The following TERB1 variants were observed in gnomAD, a reference collection of about 807,000 sequenced individuals.
TERB1 encodes the protein telomere repeat binding bouquet formation protein 1.
In TERB1, 63 loss-of-function variants were observed where a neutral mutation model predicts 92.3. The observed-to-expected ratio is 0.68, with a 90% CI of 0.56 to 0.84. The LOEUF (loss-of-function observed/expected upper bound fraction) is 0.84. Among genes scored for constraint, TERB1 ranks in the 40% least tolerant of loss-of-function variants. The pLI is 0.00. For missense variants in TERB1, 709 were observed against 843.7 expected, an observed-to-expected ratio of 0.84 and a Z score of 1.98; for synonymous variants, 252 against 283.9, an observed-to-expected ratio of 0.89 and a Z score of 1.13.
intron 9 of TERB1, among the ~76,000 whole-genome samples, chr16:66,781,416 T>C (rs2018634151): frequency 6.6e-6 from 1 of 152,206 alleles, no homozygotes; most frequent in Non-Finnish European, 1.5e-5. Flanking sequence ...GCGAAGTATC[T>C]GTTCAAATCT....
chr16:66,789,583 C>CAAAAA (rs1168904056), intron 5 of TERB1, among the ~76,000 whole-genome samples: 68 of 5,664 alleles, frequency 0.012, 27 homozygotes, highest in East Asian at 0.016. Flanking sequence ...GACTCCGTCT[C>CAAAAA]AAAAAAAAAA....
chr16:66,771,363 G>A (rs1165102929), intron 13 of TERB1, among the ~76,000 whole-genome samples: 1 of 152,148 alleles, frequency 6.6e-6, no homozygotes, highest in Non-Finnish European at 1.5e-5. Context: ...ATCTTCTGTG[G>A]TGAAACAATT....
At chr16:66,783,128 A>G (rs1283026987) in intron 9 of TERB1, among the ~76,000 whole-genome samples, 1 of 152,206 alleles carries the variant, frequency 6.6e-6, no homozygotes, top group Non-Finnish European at 1.5e-5. Context: ...TGCTGGGATT[A>G]TAGGCATAAG....
intron 5 of TERB1, 106 bp downstream of exon 5, chr16:66,790,489 C>T: frequency 2.5e-6 from 2 of 808,224 alleles, no homozygotes; most frequent in Non-Finnish European, 1.8e-6. Flanking sequence ...ATTATTCAAA[C>T]ATGTAAAAAA....
At chr16:66,777,872 T>C (rs1191784813) in intron 10 of TERB1, among the ~76,000 whole-genome samples, 1 of 152,164 alleles carries the variant, frequency 6.6e-6, no homozygotes, top group Admixed American at 6.5e-5. Context: ...AAGCTATACT[T>C]CTCCAAATGT....
At chr16:66,788,536 C>A (rs1207343524) in intron 5 of TERB1, among the ~76,000 whole-genome samples, 1 of 151,290 alleles carries the variant, frequency 6.6e-6, no homozygotes, top group Non-Finnish European at 1.5e-5. Flanking sequence ...ATACTGAAAT[C>A]CCCTAGAATT....
At chr16:66,774,755 C>T (rs1010698289) in intron 12 of TERB1, among the ~76,000 whole-genome samples, 3 of 151,030 alleles carry the variant, frequency 2.0e-5, no homozygotes, top group Non-Finnish European at 4.4e-5. Flanking sequence ...GCAAACACAG[C>T]TCACTGCAGC....
chr16:66,793,678 A>C (rs896767248), intron 3 of TERB1, among the ~76,000 whole-genome samples: 10 of 151,836 alleles, frequency 6.6e-5, no homozygotes, highest in Non-Finnish European at 1.3e-4. Context: ...CGCCCAGCTA[A>C]ATTTTTTTTA....
intron 16 of TERB1, among the ~76,000 whole-genome samples, chr16:66,765,098 G>A (rs1035991191): frequency 6.6e-6 from 1 of 152,200 alleles, no homozygotes; most frequent in African/African-American, 2.4e-5. Context: ...GGTGAAGACT[G>A]AGTTCTATTC....
intron 9 of TERB1, among the ~76,000 whole-genome samples, chr16:66,785,554 C>T (rs944010381): frequency 3.3e-5 from 5 of 152,076 alleles, no homozygotes; most frequent in South Asian, 2.1e-4. Context: ...CTGGTTTCTC[C>T]GTTTTATGAG....
At chr16:66,784,367 T>C (rs919578450) in intron 9 of TERB1, among the ~76,000 whole-genome samples, 1 of 152,046 alleles carries the variant, frequency 6.6e-6, no homozygotes, top group African/African-American at 2.4e-5. Context: ...AATCTGTCTC[T>C]GTTGCTCAAG....
intron 16 of TERB1, among the ~76,000 whole-genome samples, chr16:66,763,188 C>T (rs947246155): frequency 1.3e-5 from 2 of 151,402 alleles, no homozygotes; most frequent in Non-Finnish European, 2.9e-5. Flanking sequence ...TCAGGCTGGA[C>T]TTGCACTCCT....
chr16:66,771,892 C>G (rs910086104), intron 13 of TERB1, among the ~76,000 whole-genome samples: 1 of 152,008 alleles, frequency 6.6e-6, no homozygotes, highest in African/African-American at 2.4e-5. Flanking sequence ...TACAAAAACA[C>G]AAAGCATGCA....
intron 3 of TERB1, among the ~76,000 whole-genome samples, chr16:66,794,452 T>C (rs2018892355): frequency 1.3e-5 from 2 of 152,162 alleles, no homozygotes; most frequent in Non-Finnish European, 2.9e-5. Context: ...GCCTTTCTCA[T>C]ACTTTGGTAT....
rs776168779 is a variant in TERB1, at chr16:66,755,007, A to C, written c.2153T>G (p.Leu718Arg). 3 of 1,550,984 alleles carry C rather than the reference A, an allele frequency of 1.9e-6. No individual in the cohort carries two copies. The South Asian group carries it at 3.6e-5, about 18-fold the overall frequency. ...AGCTGCACACGTGGGGTGTTTGGTCAGCTTGTGGTATTTGTGAGCAAGGTC... is the reference window on the plus strand; with the variant it reads ...AGCTGCACACGTGGGGTGTTTGGTCCGCTTGTGGTATTTGTGAGCAAGGTC... The part of the protein sequence containing the change: ...AVDLAHKYHK[L>R]TKHPTCAAS The change falls in exon 19 of 19, where the codon CTG (leucine) becomes CGG (arginine). Residue 718 changes from leucine to arginine, a missense_variant. Physicochemically the swap from Leu to Arg is moderately radical, Grantham distance 102 (BLOSUM62 -2). Transcript: ENST00000433154.
At chr16:66,779,564 C>T in intron 9 of TERB1, among the ~76,000 whole-genome samples, 1 of 152,100 alleles carries the variant, frequency 6.6e-6, no homozygotes. Flanking sequence ...CACTACTGTA[C>T]TCCAGCCTGG....
chr16:66,759,325 T>G (rs1378348300), intron 16 of TERB1, 35 bp from the exon 17 acceptor site: 4 of 1,442,576 alleles, frequency 2.8e-6, no homozygotes, highest in Non-Finnish European at 3.7e-6. Flanking sequence ...TGTGTAGATG[T>G]CACAAAATAT....
chr16:66,798,152 T>C (rs1959208624), intron 2 of TERB1, among the ~76,000 whole-genome samples: 1 of 149,288 alleles, frequency 6.7e-6, no homozygotes. Context: ...TATAAAGTAG[T>C]ATACAAATGT....
rs1462233493 is a variant in TERB1 at position 66,765,781 on chromosome 16, A to G, written c.1780+1634T>C. On this transcript the variant is annotated intron_variant, in intron 16 of 18. Transcript: ENST00000433154. Reference sequence around the variant, plus strand: ...CCTAATACATTTACTTTCTAATGGTATATGTGCATCTGCTGGGAGGAGTGG... The same window carrying G: ...CCTAATACATTTACTTTCTAATGGTGTATGTGCATCTGCTGGGAGGAGTGG... Among the ~76,000 whole-genome samples the G allele has an allele frequency of 3.4e-5, 5 of 145,972 alleles. No homozygotes were observed. In the East Asian group the frequency reaches 1.1e-3, roughly 31 times the overall value.
Sources: gnomAD v4.1 joint callset for allele counts (sites outside exome capture counted in the v4.1 genomes callset) on GRCh38, gnomAD v4.1.1 for gene constraint, MANE v1.5 for transcripts, NCBI Gene and HGNC (gene_info 2026-07-23, HGNC 2026-07-21) for gene names.